The following GRID1 variants were observed in gnomAD, a reference collection of about 807,000 sequenced individuals.
The protein encoded by GRID1 is glutamate ionotropic receptor delta type subunit 1, also known as glutamate receptor ionotropic, delta-1.
Under a neutral mutation model 98.0 loss-of-function variants are expected in GRID1, and 28 were observed. The observed-to-expected ratio is 0.29, with a 90% CI of 0.21 to 0.39. GRID1 has a LOEUF of 0.39. Ranked by LOEUF, GRID1 falls within the 10% of genes least tolerant of loss-of-function variation. The pLI is 1.00. For synonymous variants in GRID1, 553 were observed against 538.5 expected (o/e 1.03, Z -0.37); for missense variants, 1,111 against 1,340.5 (o/e 0.83, Z 2.67).
At chr10:85,645,487 T>C (rs1843175629) in intron 13 of GRID1, 1 of 152,244 alleles carries the variant, frequency 6.6e-6, no homozygotes, top group African/African-American at 2.4e-5. Context: ...ACAGTTACAC[T>C]GCATTCTATT....
chr10:85,715,065 C>G (rs1178228800), intron 12 of GRID1, among the ~76,000 whole-genome samples: 2 of 152,052 alleles, frequency 1.3e-5, no homozygotes, highest in East Asian at 3.8e-4. Flanking sequence ...AAAGAGAATA[C>G]AGCCTAGAAA....
At chr10:86,139,241 T>G (rs4934157) in intron 3 of GRID1, among the ~76,000 whole-genome samples, 2 of 152,118 alleles carry the variant, frequency 1.3e-5, no homozygotes, top group African/African-American at 2.4e-5. Context: ...TGTCTCCCCC[T>G]ACAGGTTGGA....
intron 3 of GRID1, among the ~76,000 whole-genome samples, chr10:86,165,401 C>T (rs1301243772): frequency 2.0e-5 from 3 of 152,138 alleles, no homozygotes; most frequent in African/African-American, 2.4e-5. Flanking sequence ...CCAGTCTAGA[C>T]CAAGGCAGAG....
chr10:85,831,796 C>A (rs542071045), intron 8 of GRID1, among the ~76,000 whole-genome samples: 3 of 151,698 alleles, frequency 2.0e-5, no homozygotes, highest in Non-Finnish European at 4.4e-5. Flanking sequence ...TCAAAATATA[C>A]GGAATTCAGC....
intron 4 of GRID1, among the ~76,000 whole-genome samples, chr10:86,080,240 A>G (rs10788479): frequency 0.7 from 106,132 of 150,610 alleles, 37,876 homozygotes; most frequent in East Asian, 0.88. Flanking sequence ...AGGCTGAGGC[A>G]GGAGAATTGC....
intron 2 of GRID1, among the ~76,000 whole-genome samples, chr10:86,220,829 G>A (rs776778579): frequency 2.6e-5 from 4 of 152,208 alleles, no homozygotes; most frequent in African/African-American, 7.2e-5. Flanking sequence ...CATGAGGCCT[G>A]TTTTAGAGAA....
At chr10:86,142,158 T>A (rs927894267) in intron 3 of GRID1, among the ~76,000 whole-genome samples, 1 of 152,030 alleles carries the variant, frequency 6.6e-6, no homozygotes, top group Non-Finnish European at 1.5e-5. Context: ...CAGGCAGCCA[T>A]CCCCAGCTGC....
At chr10:86,078,482 C>T (rs1445427722) in intron 4 of GRID1, among the ~76,000 whole-genome samples, 1 of 152,176 alleles carries the variant, frequency 6.6e-6, no homozygotes, top group African/African-American at 2.4e-5. Flanking sequence ...CAAGCCATCC[C>T]CCTGCCCTGC....
chr10:85,713,234 A>G (rs926224903), intron 12 of GRID1, among the ~76,000 whole-genome samples: 13 of 151,940 alleles, frequency 8.6e-5, no homozygotes, highest in African/African-American at 2.9e-4. Context: ...AGCAACCAAT[A>G]CCACAGAAAT....
chr10:85,877,561 T>C (rs949689260), intron 5 of GRID1, among the ~76,000 whole-genome samples: 5 of 152,200 alleles, frequency 3.3e-5, no homozygotes, highest in Admixed American at 2.6e-4. Context: ...CTGAGTGTCC[T>C]GTCTGTTAGA....
intron 2 of GRID1, among the ~76,000 whole-genome samples, chr10:86,334,794 T>C (rs375082514): frequency 2.0e-5 from 3 of 152,304 alleles, no homozygotes; most frequent in South Asian, 2.1e-4. Flanking sequence ...AGGCTGAGGA[T>C]GTGGCCGGGT....
At chr10:85,617,887 G>T (rs1842810049) in intron 14 of GRID1, among the ~76,000 whole-genome samples, 1 of 152,096 alleles carries the variant, frequency 6.6e-6, no homozygotes. Context: ...GTTTCAGAAA[G>T]CCTGGTCTCT....
At chr10:86,254,659 T>A (rs1231705515) in intron 2 of GRID1, among the ~76,000 whole-genome samples, 1 of 152,210 alleles carries the variant, frequency 6.6e-6, no homozygotes, top group Non-Finnish European at 1.5e-5. Context: ...ACCCTGGCCC[T>A]GTGTGCTTCT....
At chr10:85,826,108 C>A (rs1039711915) in intron 8 of GRID1, among the ~76,000 whole-genome samples, 2 of 152,120 alleles carry the variant, frequency 1.3e-5, no homozygotes, top group African/African-American at 4.8e-5. Flanking sequence ...GGGTGGATCA[C>A]CTGAGGTCGG....
intron 3 of GRID1, among the ~76,000 whole-genome samples, chr10:86,139,724 A>G (rs763728049): frequency 2.0e-5 from 3 of 152,228 alleles, no homozygotes; most frequent in Non-Finnish European, 4.4e-5. Context: ...GGGTTCAAGG[A>G]GGTACAGAGA....
chr10:86,292,746 T>C (rs1044375566), intron 2 of GRID1, among the ~76,000 whole-genome samples: 1 of 151,812 alleles, frequency 6.6e-6, no homozygotes, highest in Non-Finnish European at 1.5e-5. Flanking sequence ...GGTGTGAGTG[T>C]CGGGAGTGGG....
intron 3 of GRID1, among the ~76,000 whole-genome samples, chr10:86,198,553 A>G (rs1870156): frequency 0.33 from 50,205 of 151,930 alleles, 8,863 homozygotes; most frequent in East Asian, 0.5. Flanking sequence ...ACATCTATTG[A>G]CTCATTTAAT....
chr10:85,787,599 T>C (rs1842441117), intron 8 of GRID1, among the ~76,000 whole-genome samples: 1 of 152,146 alleles, frequency 6.6e-6, no homozygotes, highest in Non-Finnish European at 1.5e-5. Context: ...TCCATTTCCC[T>C]TCCAAGAGCC....
At chr10:85,821,154 T>C (rs1053865782) in intron 8 of GRID1, among the ~76,000 whole-genome samples, 7 of 146,128 alleles carry the variant, frequency 4.8e-5, no homozygotes, top group African/African-American at 1.8e-4. Flanking sequence ...GAAGAAAGAG[T>C]AAAAAAAAAG....
Sources: gnomAD v4.1 joint callset for allele counts (sites outside exome capture counted in the v4.1 genomes callset) on GRCh38, gnomAD v4.1.1 for gene constraint, MANE v1.5 for transcripts, NCBI Gene and HGNC (gene_info 2026-07-23, HGNC 2026-07-21) for gene names.